DENND1A: variants seen among roughly 807,000 people sequenced by gnomAD.
The protein encoded by DENND1A is DENN domain-containing protein 1A.
In DENND1A, 51 loss-of-function variants were observed where a neutral mutation model predicts 113.7. The observed-to-expected ratio is 0.45, with a 90% CI of 0.36 to 0.57. DENND1A has a LOEUF of 0.57. DENND1A is among the 20% of genes least tolerant of loss of function. The probability of loss-of-function intolerance (pLI) is 0.00; values close to 1 mark genes in which losing one functional copy is unlikely to be tolerated. For synonymous variants in DENND1A, 565 were observed against 570.8 expected, an observed-to-expected ratio of 0.99 and a Z score of 0.14; for missense variants, 1,258 against 1,395.9, an observed-to-expected ratio of 0.90 and a Z score of 1.57.
chr9:123,495,648 G>A (rs765504393), intron 13 of DENND1A, among the ~76,000 whole-genome samples: 5 of 152,166 alleles, frequency 3.3e-5, no homozygotes, highest in African/African-American at 7.2e-5. Context: ...TAGAAGGACC[G>A]TAGGTTAGAC....
At chr9:123,613,012 C>G (rs753365766) in intron 10 of DENND1A, among the ~76,000 whole-genome samples, 1 of 152,140 alleles carries the variant, frequency 6.6e-6, no homozygotes, top group Non-Finnish European at 1.5e-5. Flanking sequence ...CATACCCGCT[C>G]TAGGATACCT....
At chr9:123,773,837 T>C (rs1830082850) in intron 3 of DENND1A, among the ~76,000 whole-genome samples, 2 of 152,136 alleles carry the variant, frequency 1.3e-5, no homozygotes, top group South Asian at 2.1e-4. Flanking sequence ...AGATGAGGCA[T>C]ATTTGCAATA....
chr9:123,575,867 A>G (rs1474925487), intron 12 of DENND1A, among the ~76,000 whole-genome samples: 2 of 152,224 alleles, frequency 1.3e-5, no homozygotes, highest in African/African-American at 4.8e-5. Flanking sequence ...CTTCATATTT[A>G]AAGTAGAATT....
intron 5 of DENND1A, among the ~76,000 whole-genome samples, chr9:123,688,447 A>G (rs2064957915): frequency 6.6e-6 from 1 of 152,204 alleles, no homozygotes; most frequent in South Asian, 2.1e-4. Flanking sequence ...TAGAGAGTGG[A>G]ATATGGCATA....
chr9:123,610,320 T>C (rs2060359089), intron 10 of DENND1A, among the ~76,000 whole-genome samples: 1 of 152,242 alleles, frequency 6.6e-6, no homozygotes, highest in Admixed American at 6.5e-5. Context: ...TCATCTATTC[T>C]AATCCACATA....
intron 5 of DENND1A, among the ~76,000 whole-genome samples, chr9:123,688,271 G>GA (rs144400353): frequency 0.012 from 1,818 of 152,060 alleles, 32 homozygotes; most frequent in African/African-American, 0.041. Flanking sequence ...TACTTTTCTG[G>GA]AAAAAAATCC....
chr9:123,626,975 CA>C (rs1174437414), intron 10 of DENND1A, among the ~76,000 whole-genome samples: 1 of 152,202 alleles, frequency 6.6e-6, no homozygotes, highest in Non-Finnish European at 1.5e-5. Flanking sequence ...AGCAATTAAC[CA>C]GCACCAGCCT....
At chr9:123,733,375 G>C (rs2068324384) in intron 5 of DENND1A, among the ~76,000 whole-genome samples, 1 of 151,398 alleles carries the variant, frequency 6.6e-6, no homozygotes, top group South Asian at 2.1e-4. Flanking sequence ...AAACTCCTGG[G>C]CTCAAGTGAT....
At chr9:123,848,228 T>TAAAAAAA (rs375535777) in intron 2 of DENND1A, among the ~76,000 whole-genome samples, 6 of 60,496 alleles carry the variant, frequency 9.9e-5, no homozygotes, top group African/African-American at 2.9e-4. Context: ...GATACTGCTT[T>TAAAAAAA]AAAAAAAAAA....
At chr9:123,617,057 T>A (rs2060687219) in intron 10 of DENND1A, among the ~76,000 whole-genome samples, 1 of 152,150 alleles carries the variant, frequency 6.6e-6, no homozygotes, top group African/African-American at 2.4e-5. Flanking sequence ...AACCCATGGC[T>A]CAAAGAGGTT....
intron 7 of DENND1A, among the ~76,000 whole-genome samples, chr9:123,667,826 C>T (rs1449603117): frequency 1.3e-5 from 2 of 152,040 alleles, no homozygotes. Flanking sequence ...CCAAAATCTG[C>T]CCCAAAGGCC....
intron 5 of DENND1A, among the ~76,000 whole-genome samples, chr9:123,717,431 T>G (rs957778559): frequency 1.3e-5 from 2 of 152,146 alleles, no homozygotes; most frequent in African/African-American, 4.8e-5. Context: ...GAAAGAGAGA[T>G]AAAAAAGAAA....
intron 1 of DENND1A, among the ~76,000 whole-genome samples, chr9:123,900,497 G>C (rs1851444404): frequency 6.6e-6 from 1 of 152,166 alleles, no homozygotes; most frequent in Non-Finnish European, 1.5e-5. Context: ...CTCGCTTAAG[G>C]GTTCTCAGCC....
At chr9:123,427,253 G>C (rs2045811148) in intron 19 of DENND1A, among the ~76,000 whole-genome samples, 1 of 152,264 alleles carries the variant, frequency 6.6e-6, no homozygotes, top group Non-Finnish European at 1.5e-5. Context: ...GAGAATGTTA[G>C]ACCCCTGAAG....
chr9:123,517,143 C>G (rs1243245593), intron 13 of DENND1A, among the ~76,000 whole-genome samples: 2 of 151,306 alleles, frequency 1.3e-5, no homozygotes, highest in Non-Finnish European at 2.9e-5. Flanking sequence ...GTCCCAGCTA[C>G]TCGGGAGGCT....
chr9:123,711,489 A>C (rs961852985), intron 5 of DENND1A, among the ~76,000 whole-genome samples: 1 of 61,086 alleles, frequency 1.6e-5, no homozygotes, highest in African/African-American at 8.2e-5. Context: ...ATTAAAAAAT[A>C]TATATATATA....
At chr9:123,470,535 G>GGA in intron 13 of DENND1A, among the ~76,000 whole-genome samples, 1 of 152,186 alleles carries the variant, frequency 6.6e-6, no homozygotes, top group Non-Finnish European at 1.5e-5. Context: ...ACGTGTCAGG[G>GGA]ACCTGATAGG....
rs369161055 is a variant in DENND1A, at chr9:123,382,199, C to T, written c.2446G>A (p.Gly816Ser). 9 of 1,609,504 alleles carry T rather than the reference C, an allele frequency of 5.6e-6. No individual in the cohort carries two copies. The East Asian group carries it at 1.6e-4, about 28-fold the overall frequency. Residue 816 changes from glycine (G) to serine (S), a missense_variant, in exon 24 of 24, where the codon GGT (glycine) becomes AGT (serine). By Grantham distance (56) the Gly-to-Ser change is moderately conservative (BLOSUM62 0). Transcript: ENST00000394215. ...RAALSPGLLP[G>S]VVPQGPTELL... Reference sequence around the variant, plus strand: ...TCAGTGGGGCCTTGGGGGACAACACCAGGCAGGAGCCCTGGACTCAGGGCA... The same window carrying T: ...TCAGTGGGGCCTTGGGGGACAACACTAGGCAGGAGCCCTGGACTCAGGGCA...
intron 19 of DENND1A, chr9:123,413,785 C>T: frequency 1.0e-6 from 1 of 985,460 alleles, no homozygotes. Context: ...ATGTTTTTTC[C>T]CCTTCCTGGC....
Sources: allele counts gnomAD v4.1 joint callset (sites outside exome capture counted in the v4.1 genomes callset), GRCh38; gene constraint gnomAD v4.1.1; transcripts MANE v1.5; gene names NCBI Gene and HGNC (gene_info 2026-07-23, HGNC 2026-07-21).